Variants in ZFHX3 observed in about 807,000 individuals in gnomAD.
ZFHX3 encodes the protein zinc finger homeobox protein 3.
ZFHX3 carries 42 observed loss-of-function variants against 279.1 expected under a neutral mutation model. That is an observed-to-expected ratio of 0.15 (90% CI 0.12 to 0.19). The LOEUF (loss-of-function observed/expected upper bound fraction) is 0.19, where lower values mean the gene tolerates loss of function less well. Ranked by LOEUF, ZFHX3 falls within the 10% of genes least tolerant of loss-of-function variation. ZFHX3 has a pLI of 1.00. For missense variants in ZFHX3, 4,981 were observed against 4,754.0 expected (o/e 1.05, Z -1.40); for synonymous variants, 2,293 against 1,957.8 (o/e 1.17, Z -4.52).
intron 1 of ZFHX3, among the ~76,000 whole-genome samples, chr16:73,863,022 T>C (rs1046048518): frequency 6.6e-6 from 1 of 151,568 alleles, no homozygotes; most frequent in Non-Finnish European, 1.5e-5. Flanking sequence ...CTGGCCAACA[T>C]ACTGAAACCC....
intron 1 of ZFHX3, among the ~76,000 whole-genome samples, chr16:72,981,019 G>A (rs1251676485): frequency 2.0e-5 from 3 of 151,960 alleles, no homozygotes; most frequent in South Asian, 4.1e-4. Context: ...GCATTGACCA[G>A]AACCAAGAGA....
intron 2 of ZFHX3, among the ~76,000 whole-genome samples, chr16:73,538,349 T>G (rs571864485): frequency 2.6e-4 from 39 of 152,172 alleles, no homozygotes; most frequent in African/African-American, 9.2e-4. Context: ...TAATTAAAAG[T>G]TCATGAAAAA....
intron 3 of ZFHX3, among the ~76,000 whole-genome samples, chr16:73,441,867 T>G (rs1182891315): frequency 2.6e-5 from 4 of 152,234 alleles, no homozygotes; most frequent in African/African-American, 7.2e-5. Context: ...CTTTGTAAAC[T>G]GAAATGTGCT....
At chr16:73,162,213 C>G (rs755001107) in intron 5 of ZFHX3, among the ~76,000 whole-genome samples, 7 of 152,204 alleles carry the variant, frequency 4.6e-5, no homozygotes, top group African/African-American at 1.7e-4. Context: ...TGTTCCCCAT[C>G]GCTTTCATTA....
At chr16:73,474,966 C>A (rs188721741) in intron 2 of ZFHX3, among the ~76,000 whole-genome samples, 1 of 152,188 alleles carries the variant, frequency 6.6e-6, no homozygotes, top group Admixed American at 6.5e-5. Flanking sequence ...GTAATTGCCA[C>A]CAGAGGGACC....
At chr16:73,682,473 A>G (rs987801786) in intron 1 of ZFHX3, among the ~76,000 whole-genome samples, 2 of 152,072 alleles carry the variant, frequency 1.3e-5, no homozygotes, top group South Asian at 2.1e-4. Context: ...ACCATAATGC[A>G]TCTATTGCAC....
At chr16:73,575,333 G>A (rs1330289584) in intron 2 of ZFHX3, among the ~76,000 whole-genome samples, 1 of 152,224 alleles carries the variant, frequency 6.6e-6, no homozygotes, top group Non-Finnish European at 1.5e-5. Context: ...GTAAGGAGTT[G>A]CTGGCTAGGA....
chr16:73,613,725 T>C (rs1277056092), intron 2 of ZFHX3, among the ~76,000 whole-genome samples: 3 of 152,206 alleles, frequency 2.0e-5, no homozygotes, highest in Non-Finnish European at 2.9e-5. Context: ...ATGGAGATTG[T>C]GTGCCCCGTT....
intron 1 of ZFHX3, among the ~76,000 whole-genome samples, chr16:72,960,561 C>CT (rs1961528147): frequency 6.6e-6 from 1 of 152,190 alleles, no homozygotes; most frequent in South Asian, 2.1e-4. Flanking sequence ...CTCCAGCCCT[C>CT]TACGAGGTCA....
At position 73,067,842 on chromosome 16, in the gene ZFHX3, G is replaced by A. The variant is rs547196618; in HGVS notation, c.-532-8830C>T. Among the ~76,000 whole-genome samples the A allele has an allele frequency of 7.0e-4, 107 of 152,256 alleles. 2 individuals carry two copies. In the South Asian group the frequency reaches 0.021, roughly 30 times the overall value. Reference sequence around the variant, plus strand: ...TGTCAGGTGGAAAGCTTCCCCCAAAGGAATAGCCAAGGGAGTCTCTATTCC... The same window carrying A: ...TGTCAGGTGGAAAGCTTCCCCCAAAAGAATAGCCAAGGGAGTCTCTATTCC... On this transcript the variant is annotated intron_variant, in intron 8 of 17. Coordinates refer to the ZFHX3 transcript ENST00000641206.
intron 1 of ZFHX3, among the ~76,000 whole-genome samples, chr16:73,744,716 A>C (rs1220950260): frequency 1.3e-5 from 2 of 152,180 alleles, no homozygotes; most frequent in East Asian, 3.9e-4. Context: ...ACAAAGCAAA[A>C]CCCATTTGAT....
intron 1 of ZFHX3, among the ~76,000 whole-genome samples, chr16:73,876,484 T>C (rs758121967): frequency 1.3e-5 from 2 of 152,330 alleles, no homozygotes; most frequent in Non-Finnish European, 2.9e-5. Flanking sequence ...GATCCACATA[T>C]GGGGTATATG....
At chr16:73,343,789 G>A (rs2016078165) in intron 3 of ZFHX3, among the ~76,000 whole-genome samples, 1 of 151,994 alleles carries the variant, frequency 6.6e-6, no homozygotes, top group Non-Finnish European at 1.5e-5. Context: ...GGACAATTTG[G>A]GTATCAAAAT....
intron 8 of ZFHX3, among the ~76,000 whole-genome samples, chr16:73,084,351 A>C (rs1965984237): frequency 6.6e-6 from 1 of 152,142 alleles, no homozygotes; most frequent in African/African-American, 2.4e-5. Flanking sequence ...AAACACCACC[A>C]AAATAACCTG....
At chr16:73,751,430 T>C (rs1369124031) in intron 1 of ZFHX3, among the ~76,000 whole-genome samples, 14 of 152,198 alleles carry the variant, frequency 9.2e-5, no homozygotes. Flanking sequence ...TTTTTAAAAA[T>C]ATGCATGTAT....
chr16:72,958,329 T>G lies in ZFHX3; in HGVS notation c.1817A>C (p.Asn606Thr). The change falls in exon 2 of 10, where the codon AAT (asparagine) becomes ACT (threonine). Residue 606 changes from asparagine to threonine, a missense_variant. Coordinates refer to ENST00000268489, the MANE Select transcript of ZFHX3 (RefSeq NM_006885.4). ...NKDNATAPEP[N>T]ESTEGDDGGF... Reference sequence around the variant, plus strand: ...CCCATCGTCACCCTCTGTGCTTTCATTTGGTTCTGGTGCTGTGGCATTGTC... The same window carrying G: ...CCCATCGTCACCCTCTGTGCTTTCAGTTGGTTCTGGTGCTGTGGCATTGTC... The G allele has an allele frequency of 1.2e-6, 2 of 1,613,992 alleles. No individual in the cohort carries two copies. Among genetic ancestry groups the G allele is most frequent in the South Asian group, 2.2e-5 (2 of 91,086 alleles).
intron 3 of ZFHX3, among the ~76,000 whole-genome samples, chr16:72,912,326 T>G (rs2039339407): frequency 6.6e-6 from 1 of 152,164 alleles, no homozygotes; most frequent in Non-Finnish European, 1.5e-5. Context: ...TGATGCTAAT[T>G]TGGGAGGCTT....
intron 5 of ZFHX3, among the ~76,000 whole-genome samples, chr16:73,164,849 T>C (rs1967322179): frequency 6.6e-6 from 1 of 152,186 alleles, no homozygotes; most frequent in Non-Finnish European, 1.5e-5. Flanking sequence ...GGTACTATTA[T>C]GTACCTATTA....
Position 72,787,516 on chromosome 16 carries a change from G to A in ZFHX3, c.10760C>T (p.Ser3587Leu), listed in dbSNP as rs1054498064. The change falls in exon 10 of 10, where the codon TCG becomes TTG. Residue 3587 changes from serine to leucine, a missense_variant. Physicochemically the swap from Ser to Leu is moderately radical, Grantham distance 145. Transcript: ENST00000268489. ...GTCGTTTGAGTGAGCGGCAGACTGC[G>A]AGGTAGATGCGGTGCTAGGATCGGG... ...CFPDPSTAST[S>L]QSAAHSNDSP... 6.2e-7 allele frequency: 1 copy of A among 1,614,068 alleles called. No homozygotes were observed. Among genetic ancestry groups the A allele is most frequent in the Non-Finnish European group, 8.5e-7 (1 of 1,179,986 alleles).
Sources: allele counts gnomAD v4.1 joint callset (sites outside exome capture counted in the v4.1 genomes callset), GRCh38; gene constraint gnomAD v4.1.1; transcripts MANE v1.5; gene names NCBI Gene and HGNC (gene_info 2026-07-23, HGNC 2026-07-21).